Variants in KDM4C observed in about 807,000 individuals in gnomAD.
KDM4C encodes the protein lysine demethylase 4C.
Under a neutral mutation model 129.3 loss-of-function variants are expected in KDM4C, and 81 were observed. That is an observed-to-expected ratio of 0.63 (90% CI 0.52 to 0.75). The LOEUF is 0.75. Among genes scored for constraint, KDM4C ranks in the 30% least tolerant of loss-of-function variants. The pLI, the probability that KDM4C is intolerant of heterozygous loss-of-function variation, is 0.00. For synonymous variants in KDM4C, 573 were observed against 456.1 expected, an observed-to-expected ratio of 1.26 and a Z score of -3.26; for missense variants, 1,457 against 1,304.0, an observed-to-expected ratio of 1.12 and a Z score of -1.81.
chr9:7,158,336 G>A lies in KDM4C; in HGVS notation c.2782-6902G>A, dbSNP rs572233595. Among the ~76,000 whole-genome samples the A allele has an allele frequency of 7.4e-5, 11 of 147,978 alleles. No individual in the cohort carries two copies. The East Asian group carries it at 9.9e-4, about 13-fold the overall frequency. On this transcript the variant is annotated intron_variant, in intron 19 of 21. Coordinates refer to ENST00000381309, the MANE Select transcript of KDM4C (RefSeq NM_015061.6). ...ATTCATTGATTTTTTTTTTTTTAAG[G>A]GTTTTTTGTGTCTCTATCTCTTTCA...
At chr9:6,748,883 C>T (rs1817975618) in intron 1 of KDM4C, 1 of 978,034 alleles carries the variant, frequency 1.0e-6, no homozygotes, top group Non-Finnish European at 1.7e-6. Context: ...CATAGAGCCA[C>T]ACCTGAATCT....
intron 17 of KDM4C, among the ~76,000 whole-genome samples, chr9:7,094,197 G>C (rs1836142419): frequency 6.6e-6 from 1 of 152,216 alleles, no homozygotes; most frequent in Admixed American, 6.5e-5. Context: ...AAGTCGGCCT[G>C]AATAATCCGG....
intron 18 of KDM4C, among the ~76,000 whole-genome samples, chr9:7,109,744 C>G (rs7861407): frequency 0.016 from 2,422 of 152,232 alleles, 64 homozygotes; most frequent in African/African-American, 0.054. Flanking sequence ...GATGTTCTTG[C>G]TCCCCTTGGA....
At chr9:6,865,226 T>C (rs570040807) in intron 5 of KDM4C, among the ~76,000 whole-genome samples, 113 of 152,272 alleles carry the variant, frequency 7.4e-4, no homozygotes, top group South Asian at 2.7e-3. Flanking sequence ...GCCAGGATGG[T>C]CTCGATCTCC....
intron 18 of KDM4C, among the ~76,000 whole-genome samples, chr9:7,127,165 C>T (rs1007793546): frequency 6.6e-6 from 1 of 152,130 alleles, no homozygotes; most frequent in Admixed American, 6.5e-5. Context: ...AATCAGCATA[C>T]ACCACCATTG....
chr9:6,773,254 A>C (rs1822272155), intron 1 of KDM4C, among the ~76,000 whole-genome samples: 1 of 152,166 alleles, frequency 6.6e-6, no homozygotes, highest in Admixed American at 6.5e-5. Flanking sequence ...CTCCTGCCTC[A>C]GCCTTCCATT....
At chr9:7,025,166 C>A (rs915786454) in intron 15 of KDM4C, among the ~76,000 whole-genome samples, 2 of 152,124 alleles carry the variant, frequency 1.3e-5, no homozygotes, top group African/African-American at 2.4e-5. Context: ...TTGACTGATA[C>A]AAGTGTAGCT....
In KDM4C at chr9:6,927,536, T is replaced by A. The variant is rs545048721; in HGVS notation, c.921+34304T>A. On this transcript the variant is annotated intron_variant, in intron 8 of 21. Transcript: ENST00000381309. ...TAATGGAATTGATAATAAGTGATGT[T>A]AATTAGAATATGAGATGTGTAGGAC... Among the ~76,000 whole-genome samples the A allele has an allele frequency of 3.3e-5, 5 of 152,320 alleles. No homozygotes were observed. In the South Asian group the frequency reaches 1.0e-3, roughly 32 times the overall value.
chr9:6,741,844 C>G (rs1261572054), intron 1 of KDM4C, among the ~76,000 whole-genome samples: 2 of 151,476 alleles, frequency 1.3e-5, no homozygotes, highest in Non-Finnish European at 2.9e-5. Flanking sequence ...CTGGGATTAT[C>G]CACGTGAGCC....
intron 17 of KDM4C, among the ~76,000 whole-genome samples, chr9:7,093,480 CAT>C (rs539998493): frequency 2.4e-4 from 37 of 152,294 alleles, no homozygotes; most frequent in Admixed American, 3.3e-4. Context: ...TCTCTGTTCA[CAT>C]GTGTGCGTGG....
At chr9:6,992,200 G>C (rs1451783436) in intron 12 of KDM4C, among the ~76,000 whole-genome samples, 1 of 152,122 alleles carries the variant, frequency 6.6e-6, no homozygotes, top group Admixed American at 6.5e-5. Flanking sequence ...CTATGCTAAG[G>C]CTGTACCAAC....
chr9:7,038,718 C>G (rs1300117945), intron 15 of KDM4C, among the ~76,000 whole-genome samples: 1 of 151,980 alleles, frequency 6.6e-6, no homozygotes, highest in East Asian at 1.9e-4. Context: ...TATTTCTGTG[C>G]ATTTAAATTT....
chr9:6,888,211 T>C (rs1456680994), intron 7 of KDM4C, 148 bp downstream of exon 7: 7 of 406,608 alleles, frequency 1.7e-5, no homozygotes, highest in Non-Finnish European at 4.4e-6. Flanking sequence ...ATTATTTATC[T>C]AAATCCTAAT....
chr9:6,756,950 T>C (rs1261574012), upstream of KDM4C, among the ~76,000 whole-genome samples: 1 of 152,174 alleles, frequency 6.6e-6, no homozygotes, highest in African/African-American at 2.4e-5. Flanking sequence ...CCAACTTTGC[T>C]CACTGGTGTG....
intron 6 of KDM4C, among the ~76,000 whole-genome samples, chr9:6,885,435 C>G (rs1305792459): frequency 1.3e-5 from 2 of 152,128 alleles, no homozygotes; most frequent in Non-Finnish European, 2.9e-5. Flanking sequence ...CTCAGCAGCA[C>G]TTTGGTGTTC....
rs1363986311 is a variant in KDM4C at position 6,926,527 on chromosome 9, TA to T, written c.921+33300del. Reference sequence around the variant, plus strand: ...CTTATAGCAGCAAGCAGTTACAGAATAAAAATGATTATTTCCTCCTCAGTGA... The same window carrying T: ...CTTATAGCAGCAAGCAGTTACAGAATAAAATGATTATTTCCTCCTCAGTGA... On this transcript the variant is annotated intron_variant, in intron 8 of 21. Coordinates refer to ENST00000381309, the MANE Select transcript of KDM4C (RefSeq NM_015061.6). Among the ~76,000 whole-genome samples the T allele has an allele frequency of 3.3e-5, 5 of 152,272 alleles. No homozygotes were observed. The South Asian group carries it at 1.0e-3, about 32-fold the overall frequency.
In KDM4C at chr9:6,746,133, G is replaced by A. The variant is rs1372989564; in HGVS notation, c.49+25136G>A. On this transcript the variant is annotated intron_variant, in intron 1 of 17. Coordinates refer to the KDM4C transcript ENST00000536108. ...CTTTTTGTATTTTAGTAGAGACGGG[G>A]TTTCACTATGTTAACCAGGCTGGTC... Among the ~76,000 whole-genome samples, 9 of 151,220 alleles carry A rather than the reference G, an allele frequency of 6.0e-5. No homozygotes were observed. In the South Asian group the frequency reaches 1.7e-3, roughly 28 times the overall value.
intron 2 of KDM4C, among the ~76,000 whole-genome samples, chr9:6,799,641 TC>T (rs1245361006): frequency 1.4e-5 from 2 of 142,226 alleles, no homozygotes; most frequent in Non-Finnish European, 3.0e-5. Flanking sequence ...TTTTTTCTTT[TC>T]TTTTTTTTTT....
intron 1 of KDM4C, among the ~76,000 whole-genome samples, chr9:6,791,890 A>C (rs7858345): frequency 0.65 from 98,685 of 151,818 alleles, 32,484 homozygotes; most frequent in African/African-American, 0.74. Flanking sequence ...GGTGTGGTAG[A>C]CCATGCCTGT....
Sources: gnomAD v4.1 joint callset for allele counts (sites outside exome capture counted in the v4.1 genomes callset) on GRCh38, gnomAD v4.1.1 for gene constraint, MANE v1.5 for transcripts, NCBI Gene and HGNC (gene_info 2026-07-23, HGNC 2026-07-21) for gene names.